C3: variants seen among roughly 807,000 people sequenced by gnomAD.
The protein encoded by C3 is complement C3.
C3 carries 97 observed loss-of-function variants against 207.9 expected under a neutral mutation model. That is an observed-to-expected ratio of 0.47 (90% CI 0.40 to 0.55). The LOEUF is 0.55. C3 is among the 20% of genes least tolerant of loss of function. The pLI, the probability that C3 is intolerant of heterozygous loss-of-function variation, is 0.00. For synonymous variants in C3, 848 were observed against 857.6 expected, an observed-to-expected ratio of 0.99 and a Z score of 0.20; for missense variants, 1,684 against 2,171.7, an observed-to-expected ratio of 0.78 and a Z score of 4.46.
chr19:6,713,052 G>A, intron 9 of C3, 137 bp downstream of exon 9: 2 of 1,038,562 alleles, frequency 1.9e-6, no homozygotes, highest in Non-Finnish European at 3.0e-6. Flanking sequence ...TCTCAGACTG[G>A]GCCTACCCCA....
chr19:6,702,562 T>A lies in C3; in HGVS notation c.2263A>T (p.Ile755Phe). 1 of 1,613,336 alleles carries A rather than the reference T, an allele frequency of 6.2e-7. No homozygotes were observed. Among genetic ancestry groups the A allele is most frequent in the Non-Finnish European group, 8.5e-7 (1 of 1,179,226 alleles). The part of the protein sequence containing the change: ...GLARSNLDED[I>F]IAEENIVSRS... ...GAAACGATGTTCTCTTCTGCAATGA[T>A]GTCCTCATCCAGGTTACCTGCAGGG... Residue 755 changes from isoleucine to phenylalanine, a missense_variant, in exon 18 of 41, where the codon ATC becomes TTC. By Grantham distance (21) the Ile-to-Phe change is conservative (BLOSUM62 0). This residue lies in a region of C3 where 1,280 missense variants were observed against 1,739.1 expected (regional missense o/e 0.74). Transcript: ENST00000245907.
In C3 at chr19:6,697,371, G is replaced by A. The variant is rs201929376; in HGVS notation, c.2769C>T (p.Asp923=). Residue 923 remains aspartate (D), a synonymous_variant, in exon 21 of 41, where the codon GAC becomes GAT. Transcript: ENST00000245907. ...KAAVYHHFIS[D]GVRKSLKVVP... is the part of the protein sequence containing the mutation. Reference sequence around the variant, plus strand: ...CGACCTTCAGGGACTTCCTGACACCGTCACTGATGAAATGATGGTAGACAG... The same window carrying A: ...CGACCTTCAGGGACTTCCTGACACCATCACTGATGAAATGATGGTAGACAG... 6.9e-5 allele frequency: 112 copies of A among 1,614,004 alleles called. No individual in the cohort carries two copies. The highest frequency in any genetic ancestry group is 9.2e-5 in the Non-Finnish European group (109 of 1,179,948).
chr19:6,712,999 TC>T (rs1192213971), intron 9 of C3, among the ~76,000 whole-genome samples, 189 bp downstream of exon 9: 1 of 151,080 alleles, frequency 6.6e-6, no homozygotes, highest in Non-Finnish European at 1.5e-5. Flanking sequence ...TGGCCCTGCC[TC>T]CCCCCATCAG....
rs756269550 is a variant in C3, at chr19:6,686,195, C to G, written c.3739G>C (p.Asp1247His). 1 of 1,614,166 alleles carries G rather than the reference C, an allele frequency of 6.2e-7. No homozygotes were observed. The highest frequency in any genetic ancestry group is 1.7e-5 in the Admixed American group (1 of 60,018). ...CAACGCACGACGGGAGGCACAAAGTCAAAGTCTTTTAGCTGCAGTAGGGCC... is the reference window on the plus strand; with the variant it reads ...CAACGCACGACGGGAGGCACAAAGTGAAAGTCTTTTAGCTGCAGTAGGGCC... ...LLALLQLKDF[D>H]FVPPVVRWLN... The change falls in exon 29 of 41, where the codon GAC becomes CAC. Residue 1247 changes from aspartate (D) to histidine (H), a missense_variant. Transcript: ENST00000245907.
chr19:6,711,023 G>A lies in C3; in HGVS notation c.1443C>T (p.Arg481=), dbSNP rs750562414. The A allele has an allele frequency of 1.2e-5, 20 of 1,613,980 alleles. No homozygotes were observed. Among genetic ancestry groups the A allele is most frequent in the African/African-American group, 6.7e-5 (5 of 74,900 alleles). The stretch of plus-strand genomic sequence containing the variant: ...AGTAGCGGATCTTGGCCTCGTGGGC[G>A]CGGTCCATTCGCAGGAGGAAGTTGA... The part of the protein sequence containing the change: ...LNVNFLLRMD[R]AHEAKIRYYT... Residue 481 remains arginine, a synonymous_variant, in exon 12 of 41, where the codon CGC becomes CGT. Coordinates refer to ENST00000245907, the MANE Select transcript of C3 (RefSeq NM_000064.4).
Position 6,680,243 on chromosome 19 carries a change from G to C in C3, c.4371C>G (p.Asp1457Glu), listed in dbSNP as rs1424103321. The change falls in exon 36 of 41, where the codon GAC becomes GAG. Residue 1457 changes from aspartate to glutamate, a missense_variant. By Grantham distance (45) the Asp-to-Glu change is conservative. Transcript: ENST00000245907. Reference sequence around the variant, plus strand: ...ATTGGTGAACTTTGAAAGCTAGACAGTCATCCTCAGAGTGTGAGACCTGAG... The same window carrying C: ...ATTGGTGAACTTTGAAAGCTAGACACTCATCCTCAGAGTGTGAGACCTGAG... ...YLDKVSHSED[D>E]CLAFKVHQYF... 6.2e-7 allele frequency: 1 copy of C among 1,609,450 alleles called. No homozygotes were observed. The highest frequency in any genetic ancestry group is 1.7e-5 in the Admixed American group (1 of 60,016).
At chr19:6,678,318 G>A (rs781065620) in intron 39 of C3, 31 bp from the exon 40 acceptor site, 3 of 1,614,088 alleles carry the variant, frequency 1.9e-6, no homozygotes, top group Admixed American at 3.3e-5. Context: ...AAGAAGCTGA[G>A]TCGTGGGGAG....
intron 17 of C3, among the ~76,000 whole-genome samples, chr19:6,705,366 AG>A (rs1319535117): frequency 7.0e-6 from 1 of 143,014 alleles, no homozygotes; most frequent in Non-Finnish European, 1.5e-5. Context: ...TTTTTGAGAC[AG>A]GGTCTTGCTC....
chr19:6,719,111 G>A lies in C3; in HGVS notation c.267+100C>T. The A allele has an allele frequency of 1.9e-6, 2 of 1,069,810 alleles. No individual in the cohort carries two copies. The highest frequency in any genetic ancestry group is 2.5e-5 in the South Asian group (2 of 79,852). 66.3% of individuals were successfully genotyped at this position (1,069,810 alleles called of 1,614,324 possible). The stretch of plus-strand genomic sequence containing the variant: ...GGGTGGAGTCTCAGGGAAGGGCAGG[G>A]CTTAGAAAGGGAGAAGACAGAAGGG... On this transcript the variant is annotated intron_variant, in intron 2 of 40. Coordinates refer to ENST00000245907, the MANE Select transcript of C3 (RefSeq NM_000064.4). This position sits in a 1 kb window ranked among gnomAD's most constrained non-coding sequence, Gnocchi z 5.4.
chr19:6,712,252 C>T lies in C3; in HGVS notation c.1269+5G>A, dbSNP rs368263824. 10 of 1,613,362 alleles carry T rather than the reference C, an allele frequency of 6.2e-6. No homozygotes were observed. The highest frequency in any genetic ancestry group is 4.5e-5 in the East Asian group (2 of 44,896). On this transcript the variant is annotated splice_donor_5th_base_variant and intron_variant, in intron 11 of 40. Coordinates refer to ENST00000245907, the MANE Select transcript of C3 (RefSeq NM_000064.4). ...ATGGGGTTCCGAGGCTGGGCCCAGA[C>T]GCACCGTGATGCTCAAGGGCTTCTG...
chr19:6,689,914 A>C (rs11569518), intron 27 of C3, among the ~76,000 whole-genome samples: 233 of 152,214 alleles, frequency 1.5e-3, no homozygotes, highest in African/African-American at 5.3e-3. Context: ...CCTGGGAGGC[A>C]AAGGGTGCAG....
intron 16 of C3, 34 bp from the exon 17 acceptor site, chr19:6,707,307 T>C: frequency 6.2e-7 from 1 of 1,602,710 alleles, no homozygotes; most frequent in South Asian, 1.1e-5. Flanking sequence ...GGCCACACCC[T>C]CAGCCGGGGG....
chr19:6,694,736 GT>G, intron 23 of C3, 102 bp from the exon 24 acceptor site: 1 of 1,064,624 alleles, frequency 9.4e-7, no homozygotes, highest in Non-Finnish European at 1.4e-6. Flanking sequence ...GGGCCAAGGG[GT>G]TAGGGACAGG....
In C3 at chr19:6,697,761, A is replaced by G; in HGVS notation, c.2474T>C (p.Val825Ala). Residue 825 changes from valine (V) to alanine (A), a missense_variant, in exon 20 of 41, where the codon GTA becomes GCA. Around this residue, in one of 3 missense-constraint regions of C3, gnomAD observed 1,280 missense variants for 1,739.1 expected, o/e 0.74. Coordinates refer to ENST00000245907, the MANE Select transcript of C3 (RefSeq NM_000064.4). ...CAGGTCGATGAAGAAGTCCTGCATT[A>G]CTGTGACCTCGAAGGGGTCTGCCAC... ...ICVADPFEVT[V>A]MQDFFIDLRL... is the part of the protein sequence containing the mutation. 6.2e-7 allele frequency: 1 copy of G among 1,613,896 alleles called. No individual in the cohort carries two copies. The highest frequency in any genetic ancestry group is 8.5e-7 in the Non-Finnish European group (1 of 1,179,984).
chr19:6,692,957 C>T lies in C3; in HGVS notation c.3357G>A (p.Gln1119=), dbSNP rs537335403. 36 of 1,614,050 alleles carry T rather than the reference C, an allele frequency of 2.2e-5. No individual in the cohort carries two copies. Among genetic ancestry groups the T allele is most frequent in the Non-Finnish European group, 2.8e-5 (33 of 1,180,046 alleles). Residue 1119 remains glutamine, a synonymous_variant, in exon 26 of 41, where the codon CAG becomes CAA. Coordinates refer to ENST00000245907, the MANE Select transcript of C3 (RefSeq NM_000064.4). ...LEKQKPDGVF[Q]EDAPVIHQEM... ...CTTGGTGTATCACGGGCGCATCCTC[C>T]TGGAAGACCCCGTCGGGCTTCTGCT...
intron 17 of C3, among the ~76,000 whole-genome samples, chr19:6,704,233 G>A (rs1048483806): frequency 2.6e-5 from 4 of 152,174 alleles, no homozygotes; most frequent in Non-Finnish European, 5.9e-5. Flanking sequence ...GCTGCAGTGA[G>A]CTGTGATCGC....
At chr19:6,702,252 T>C (rs766721658) in intron 18 of C3, 40 bp from the exon 19 acceptor site, 3 of 1,316,552 alleles carry the variant, frequency 2.3e-6, no homozygotes. Flanking sequence ...AGATGTCATC[T>C]AGCAGGGTGG....
At position 6,685,073 on chromosome 19, in the gene C3, T is replaced by C. The variant is rs369027752; in HGVS notation, c.3884A>G (p.Asp1295Gly). 3.7e-6 allele frequency: 6 copies of C among 1,613,854 alleles called. No homozygotes were observed. The highest frequency in any genetic ancestry group is 3.3e-5 in the Admixed American group (2 of 59,970). ...GCGGCTGGGCAGTTGGAGGGACACATCAAGGTTCAGTTCCTGGTGGTCAGG... is the reference window on the plus strand; with the variant it reads ...GCGGCTGGGCAGTTGGAGGGACACACCAAGGTTCAGTTCCTGGTGGTCAGG... ...DAPDHQELNLDVSLQLPSRSS... is the reference protein window; with the variant it reads ...DAPDHQELNLGVSLQLPSRSS... The change falls in exon 30 of 41, where the codon GAT becomes GGT. Residue 1295 changes from aspartate to glycine, a missense_variant. Around this residue, in one of 3 missense-constraint regions of C3, gnomAD observed 1,280 missense variants for 1,739.1 expected, o/e 0.74. Coordinates refer to ENST00000245907, the MANE Select transcript of C3 (RefSeq NM_000064.4).
chr19:6,695,839 G>A lies in C3; in HGVS notation c.2950+540C>T, dbSNP rs139496891. 7.7e-3 allele frequency among the ~76,000 whole-genome samples: 1,166 copies of A among 152,266 alleles called. 19 individuals carry two copies. Among genetic ancestry groups the A allele is most frequent in the African/African-American group, 0.027 (1,133 of 41,552 alleles). On this transcript the variant is annotated intron_variant, in intron 23 of 40. Transcript: ENST00000245907. ...AATTAAAATAAACTGATGTATCAGC[G>A]AAAGCTCTTTGCTGAACTAAATGCT... is the stretch of plus-strand genomic sequence containing the variant.
Sources: gnomAD v4.1 joint callset for allele counts (sites outside exome capture counted in the v4.1 genomes callset) on GRCh38, gnomAD v4.1.1 for gene constraint, gnomAD v4.1.1 regional missense constraint, Gnocchi (gnomAD v3.1) non-coding constraint, MANE v1.5 for transcripts, NCBI Gene and HGNC (gene_info 2026-07-23, HGNC 2026-07-21) for gene names.